The following PTPN11 variants were observed in gnomAD, a reference collection of about 807,000 sequenced individuals.
The protein encoded by PTPN11 is tyrosine-protein phosphatase non-receptor type 11.
PTPN11 carries 6 observed loss-of-function variants against 78.8 expected under a neutral mutation model. The observed-to-expected ratio is 0.08, with a 90% CI of 0.04 to 0.15. The LOEUF (loss-of-function observed/expected upper bound fraction) is 0.15, where lower values mean the gene tolerates loss of function less well. PTPN11 is among the 10% of genes least tolerant of loss of function. PTPN11 has a pLI of 1.00. For synonymous variants in PTPN11, 221 were observed against 263.5 expected, an observed-to-expected ratio of 0.84 and a Z score of 1.56; for missense variants, 386 against 744.8, an observed-to-expected ratio of 0.52 and a Z score of 5.61.
rs908415946 is a variant in PTPN11 at position 112,436,743 on chromosome 12, C to A, written c.15-9533C>A. ...TTTTTTGGCTGAGAATAGCACTGAA[C>A]TCAGTGGGAGGGACTGTGGGTTGTA... On this transcript the variant is annotated intron_variant, in intron 1 of 15. Transcript: ENST00000351677. Among the ~76,000 whole-genome samples the A allele has an allele frequency of 2.0e-5, 3 of 148,264 alleles. No homozygotes were observed. The Admixed American group carries it at 2.0e-4, about 10-fold the overall frequency.
chr12:112,504,557 C>T lies in PTPN11; in HGVS notation c.1713-138C>T. 2.9e-6 allele frequency: 2 copies of T among 681,472 alleles called. No individual in the cohort carries two copies. Among genetic ancestry groups the T allele is most frequent in the Non-Finnish European group, 5.3e-6 (2 of 376,590 alleles). 42.2% of individuals were successfully genotyped at this position (681,472 alleles called of 1,614,324 possible). ...CTATCTCTTCTCTCCCTGGGAATGTCAGGTCCTAGGCACAGGAACTGTGTC... is the reference window on the plus strand; with the variant it reads ...CTATCTCTTCTCTCCCTGGGAATGTTAGGTCCTAGGCACAGGAACTGTGTC... On this transcript the variant is annotated intron_variant, in intron 14 of 15. Coordinates refer to ENST00000351677, the MANE Select transcript of PTPN11 (RefSeq NM_002834.5). The surrounding 1 kb of genome is among the most constrained non-coding windows in gnomAD (Gnocchi z 4.7).
chr12:112,488,410 T>C, intron 11 of PTPN11, 33 bp from the exon 12 acceptor site: 1 of 1,562,926 alleles, frequency 6.4e-7, no homozygotes, highest in Non-Finnish European at 8.8e-7. Context: ...TGAATGATTC[T>C]GTTGTCCCTG....
intron 6 of PTPN11, among the ~76,000 whole-genome samples, chr12:112,464,793 C>T (rs766125835): frequency 2.0e-5 from 3 of 152,090 alleles, no homozygotes; most frequent in African/African-American, 4.8e-5. Context: ...TGGCTCTTTA[C>T]AGGCACTGTT....
At chr12:112,422,869 G>C (rs1172597439) in intron 1 of PTPN11, among the ~76,000 whole-genome samples, 1 of 152,180 alleles carries the variant, frequency 6.6e-6, no homozygotes, top group Non-Finnish European at 1.5e-5. Flanking sequence ...ACTCATGTTT[G>C]TAATTGTCCT....
Position 112,469,069 on chromosome 12 carries a change from C to CA in PTPN11, c.757-3866dup, listed in dbSNP as rs143894582. On this transcript the variant is annotated intron_variant, in intron 6 of 15. Transcript: ENST00000351677. ...AGAGAGCATGACTCTGTCCCAACAA[C>CA]AAAAAAAAAGATTAAGGGAAGCCTC... is the stretch of plus-strand genomic sequence containing the variant. Among the ~76,000 whole-genome samples, 1,261 of 150,536 alleles carry CA rather than the reference C, an allele frequency of 8.4e-3. 142 individuals carry two copies. The East Asian group carries it at 0.23, about 28-fold the overall frequency.
At chr12:112,424,235 G>A (rs142793492) in intron 1 of PTPN11, among the ~76,000 whole-genome samples, 2 of 152,188 alleles carry the variant, frequency 1.3e-5, no homozygotes, top group African/African-American at 4.8e-5. Context: ...GCTGAAGTGG[G>A]AGAAGATCTC....
intron 1 of PTPN11, among the ~76,000 whole-genome samples, chr12:112,445,283 C>T (rs1189263189): frequency 9.2e-5 from 14 of 152,122 alleles, no homozygotes; most frequent in Non-Finnish European, 1.5e-4. Flanking sequence ...AGGTGTCCAC[C>T]ACCACGCCCA....
At chr12:112,467,929 A>C (rs1400905512) in intron 6 of PTPN11, among the ~76,000 whole-genome samples, 4 of 152,058 alleles carry the variant, frequency 2.6e-5, no homozygotes, top group African/African-American at 9.7e-5. Context: ...GTCATATTTC[A>C]ACTTGAGATT....
intron 13 of PTPN11, among the ~76,000 whole-genome samples, chr12:112,489,913 T>A (rs2038725072): frequency 1.3e-5 from 2 of 152,204 alleles, no homozygotes; most frequent in African/African-American, 4.8e-5. Flanking sequence ...GAATGGGACC[T>A]GCCACCAGTA....
Position 112,475,649 on chromosome 12 carries a change from G to A in PTPN11, c.854-2002G>A, listed in dbSNP as rs541343412. ...AGCATAGAAAAACTGTGTGATTGGG[G>A]GTTGTGATCAAATTTGGAGAGCATT... On this transcript the variant is annotated intron_variant, in intron 7 of 15. Coordinates refer to ENST00000351677, the MANE Select transcript of PTPN11 (RefSeq NM_002834.5). 7.2e-5 allele frequency among the ~76,000 whole-genome samples: 11 copies of A among 152,302 alleles called. No individual in the cohort carries two copies. The South Asian group carries it at 2.3e-3, about 32-fold the overall frequency.
intron 2 of PTPN11, among the ~76,000 whole-genome samples, chr12:112,447,477 G>C (rs1047728980): frequency 5.3e-5 from 8 of 151,596 alleles, no homozygotes; most frequent in African/African-American, 9.7e-5. Flanking sequence ...ATTTTTTTTT[G>C]AGCTCCATGC....
chr12:112,467,494 T>C (rs935081174), intron 6 of PTPN11, among the ~76,000 whole-genome samples: 6 of 152,004 alleles, frequency 3.9e-5, no homozygotes, highest in Non-Finnish European at 8.8e-5. Context: ...ACGCTCTTTT[T>C]TTAATTTTAT....
chr12:112,434,262 A>G (rs2135839109), intron 1 of PTPN11, among the ~76,000 whole-genome samples: 1 of 152,174 alleles, frequency 6.6e-6, no homozygotes, highest in East Asian at 1.9e-4. Flanking sequence ...CCTGCGCAAC[A>G]GAGTGAGACC....
intron 1 of PTPN11, among the ~76,000 whole-genome samples, chr12:112,431,882 A>G (rs1594131785): frequency 1.3e-5 from 2 of 152,224 alleles, no homozygotes; most frequent in East Asian, 3.8e-4. Context: ...GATAAATTTA[A>G]CAATGCCAAC....
chr12:112,441,434 G>C (rs546898719), intron 1 of PTPN11, among the ~76,000 whole-genome samples: 1 of 150,532 alleles, frequency 6.6e-6, no homozygotes. Flanking sequence ...GCTAATGTTC[G>C]TATTTTTTTG....
intron 11 of PTPN11, among the ~76,000 whole-genome samples, chr12:112,487,261 A>G (rs1420667841): frequency 1.3e-5 from 2 of 151,748 alleles, no homozygotes; most frequent in Non-Finnish European, 2.9e-5. Flanking sequence ...CAGCCTCCCA[A>G]GTAGCTGGGA....
chr12:112,473,390 C>G (rs1375323967), intron 7 of PTPN11, among the ~76,000 whole-genome samples: 2 of 152,180 alleles, frequency 1.3e-5, no homozygotes, highest in Non-Finnish European at 2.9e-5. Flanking sequence ...CTCCTCCTCA[C>G]TGGGCCTGTG....
chr12:112,446,412 A>C lies in PTPN11; in HGVS notation c.137+14A>C. The C allele has an allele frequency of 6.2e-7, 1 of 1,614,092 alleles. No homozygotes were observed. The highest frequency in any genetic ancestry group is 8.5e-7 in the Non-Finnish European group (1 of 1,179,978). On this transcript the variant is annotated intron_variant, in intron 2 of 15. Transcript: ENST00000351677. Reference sequence around the variant, plus strand: ...ACTTTCCGTTAGGTAAGTTGGAATGAAAAGAGAGGATCCTGAGAGTGTTTT... The same window carrying C: ...ACTTTCCGTTAGGTAAGTTGGAATGCAAAGAGAGGATCCTGAGAGTGTTTT...
At position 112,479,559 on chromosome 12, in the gene PTPN11, T is replaced by C. The variant is rs138192652; in HGVS notation, c.1092+1544T>C. On this transcript the variant is annotated intron_variant, in intron 9 of 15. Coordinates refer to ENST00000351677, the MANE Select transcript of PTPN11 (RefSeq NM_002834.5). The stretch of plus-strand genomic sequence containing the variant: ...TGAAACAAAGGTTTCCTTCAGCAAA[T>C]GCCTGTGGTAACATTAGGTGTTCTT... Among the ~76,000 whole-genome samples the C allele has an allele frequency of 3.7e-3, 560 of 152,346 alleles. 2 individuals are homozygous for C. Among genetic ancestry groups the C allele is most frequent in the African/African-American group, 0.013 (534 of 41,582 alleles).
Sources: gnomAD v4.1 joint callset for allele counts (sites outside exome capture counted in the v4.1 genomes callset) on GRCh38, gnomAD v4.1.1 for gene constraint, Gnocchi (gnomAD v3.1) non-coding constraint, MANE v1.5 for transcripts, NCBI Gene and HGNC (gene_info 2026-07-23, HGNC 2026-07-21) for gene names.